TBC1D13: variants seen among roughly 807,000 people sequenced by gnomAD.
TBC1D13 encodes TBC1 domain family member 13, also known as epididymis secretory sperm binding protein.
A neutral mutation model predicts 53.6 loss-of-function variants in TBC1D13; 40 were observed. The observed-to-expected ratio is 0.75, with a 90% CI of 0.58 to 0.97. The LOEUF (loss-of-function observed/expected upper bound fraction) is 0.97, where lower values mean the gene tolerates loss of function less well. Among genes scored for constraint, TBC1D13 ranks in the 50% least tolerant of loss-of-function variants. The pLI, the probability that TBC1D13 is intolerant of heterozygous loss-of-function variation, is 0.00. For missense variants in TBC1D13, 377 were observed against 499.4 expected (o/e 0.75, Z 2.34); for synonymous variants, 182 against 197.7 (o/e 0.92, Z 0.67).
chr9:128,806,407 C>A, intron 11 of TBC1D13, 96 bp downstream of exon 11: 2 of 1,437,870 alleles, frequency 1.4e-6, no homozygotes, highest in Non-Finnish European at 1.9e-6. Flanking sequence ...TGGGCAGGGG[C>A]AGCGGAGTGT....
intron 2 of TBC1D13, among the ~76,000 whole-genome samples, chr9:128,788,638 T>C (rs1358773392): frequency 3.3e-5 from 5 of 152,194 alleles, no homozygotes; most frequent in Admixed American, 6.5e-5. Context: ...ACACTTAGCA[T>C]GCCCTAAGCT....
intron 6 of TBC1D13, among the ~76,000 whole-genome samples, chr9:128,793,214 G>A (rs1203519344): frequency 1.3e-5 from 2 of 152,264 alleles, no homozygotes; most frequent in Non-Finnish European, 2.9e-5. Flanking sequence ...ATAGGGGCTG[G>A]ACCTTGGACT....
chr9:128,806,548 G>T (rs968428863), intron 11 of TBC1D13, among the ~76,000 whole-genome samples: 1 of 152,222 alleles, frequency 6.6e-6, no homozygotes, highest in Non-Finnish European at 1.5e-5. Context: ...TGTACTCTAC[G>T]TAGGTGTTCA....
chr9:128,792,466 C>T (rs1347715105), intron 5 of TBC1D13, 26 bp from the exon 6 acceptor site: 1 of 1,611,914 alleles, frequency 6.2e-7, no homozygotes, highest in Non-Finnish European at 8.5e-7. Flanking sequence ...GGGCCTTGGA[C>T]AGAGCATCTT....
At position 128,805,977 on chromosome 9, in the gene TBC1D13, A is replaced by C; in HGVS notation, c.1037A>C (p.Asn346Thr). ...RIWDSLFADDNRFDFLLLVCC... is the reference protein window; with the variant it reads ...RIWDSLFADDTRFDFLLLVCC... Reference sequence around the variant, plus strand: ...TGGGACTCCCTCTTCGCCGATGACAACCGCTTTGACTTCCTCCTCCTCGTC... The same window carrying C: ...TGGGACTCCCTCTTCGCCGATGACACCCGCTTTGACTTCCTCCTCCTCGTC... Residue 346 changes from asparagine to threonine, a missense_variant, in exon 10 of 12, where the codon AAC (asparagine) becomes ACC (threonine). By Grantham distance (65) the Asn-to-Thr change is moderately conservative (BLOSUM62 0). Coordinates refer to ENST00000372648, the MANE Select transcript of TBC1D13 (RefSeq NM_018201.5). 6.2e-7 allele frequency: 1 copy of C among 1,614,150 alleles called. No individual in the cohort carries two copies. Among genetic ancestry groups the C allele is most frequent in the Non-Finnish European group, 8.5e-7 (1 of 1,180,028 alleles).
chr9:128,791,534 C>T (rs1829532567), intron 4 of TBC1D13, 60 bp from the exon 5 acceptor site: 1 of 1,610,450 alleles, frequency 6.2e-7, no homozygotes, highest in Non-Finnish European at 8.5e-7. Context: ...GGCTGCTGCT[C>T]TGCTCTGGGC....
rs1000882016 is a variant in TBC1D13 at position 128,802,951 on chromosome 9, T to A, written c.544-299T>A. Among the ~76,000 whole-genome samples, 7 of 152,086 alleles carry A rather than the reference T, an allele frequency of 4.6e-5. No homozygotes were observed. The East Asian group carries it at 1.3e-3, about 29-fold the overall frequency. On this transcript the variant is annotated intron_variant, in intron 7 of 11. Coordinates refer to ENST00000372648, the MANE Select transcript of TBC1D13 (RefSeq NM_018201.5). ...GATCTCCCTATGTTGCCCAGGCTGG[T>A]CTTGAACTCTTAGGCTCAAGTGATC...
At position 128,803,415 on chromosome 9, in the gene TBC1D13, C is replaced by A; in HGVS notation, c.709C>A (p.Pro237Thr). ...YVQGMNEIVGPLYYTFATDPN... is the reference protein window; with the variant it reads ...YVQGMNEIVGTLYYTFATDPN... Reference sequence around the variant, plus strand: ...GCAAGGCATGAATGAAATCGTGGGGCCCCTCTACTACACCTTTGCCACCGA... The same window carrying A: ...GCAAGGCATGAATGAAATCGTGGGGACCCTCTACTACACCTTTGCCACCGA... Residue 237 changes from proline (P) to threonine (T), a missense_variant, in exon 8 of 12, where the codon CCC becomes ACC. Transcript: ENST00000372648. 6.2e-7 allele frequency: 1 copy of A among 1,614,188 alleles called. No individual in the cohort carries two copies. Among genetic ancestry groups the A allele is most frequent in the Non-Finnish European group, 8.5e-7 (1 of 1,180,050 alleles).
intron 7 of TBC1D13, among the ~76,000 whole-genome samples, chr9:128,801,261 A>G (rs7858732): frequency 0.29 from 44,684 of 152,056 alleles, 7,279 homozygotes; most frequent in African/African-American, 0.44. Flanking sequence ...TACCCAACCC[A>G]TGAACAATTG....
intron 6 of TBC1D13, among the ~76,000 whole-genome samples, chr9:128,793,201 G>C (rs560683184): frequency 6.6e-6 from 1 of 152,388 alleles, no homozygotes; most frequent in South Asian, 2.1e-4. Context: ...GCCAGGGTGG[G>C]AGATAGGGGC....
intron 8 of TBC1D13, among the ~76,000 whole-genome samples, chr9:128,803,703 A>G (rs554034398): frequency 1.3e-5 from 2 of 152,338 alleles, no homozygotes. Flanking sequence ...GATTTAAATA[A>G]TGATTTTTAA....
chr9:128,799,848 C>A (rs187578361), intron 7 of TBC1D13, among the ~76,000 whole-genome samples: 2 of 151,982 alleles, frequency 1.3e-5, no homozygotes, highest in East Asian at 3.9e-4. Context: ...GGTGAAACCC[C>A]GTCTCTACTA....
At chr9:128,789,316 CAAAAAAAA>C (rs10648259) in intron 2 of TBC1D13, among the ~76,000 whole-genome samples, 1 of 83,398 alleles carries the variant, frequency 1.2e-5, no homozygotes, top group Admixed American at 1.6e-4. Flanking sequence ...AGCTCCATCT[CAAAAAAAA>C]AAAAAAAAAA....
At chr9:128,800,865 A>G (rs1829720351) in intron 7 of TBC1D13, among the ~76,000 whole-genome samples, 1 of 152,058 alleles carries the variant, frequency 6.6e-6, no homozygotes, top group Non-Finnish European at 1.5e-5. Context: ...ATCTCCTGAG[A>G]ATAAGGGCAT....
chr9:128,806,297 A>C lies in TBC1D13; in HGVS notation c.1123A>C (p.Met375Leu), dbSNP rs543364145. The C allele has an allele frequency of 6.2e-7, 1 of 1,614,004 alleles. No homozygotes were observed. Among genetic ancestry groups the C allele is most frequent in the African/African-American group, 1.3e-5 (1 of 74,942 alleles). ...QLLEGDFTVN[M>L]RLLQDYPITD... The stretch of plus-strand genomic sequence containing the variant: ...GCTGGAAGGGGACTTCACTGTGAAT[A>C]TGCGGCTGCTGCAGGTAATGGGAGT... Residue 375 changes from methionine (M) to leucine (L), a missense_variant, in exon 11 of 12, where the codon ATG (methionine) becomes CTG (leucine). Physicochemically the swap from Met to Leu is conservative, Grantham distance 15. Transcript: ENST00000372648.
rs1345487036 is a variant in TBC1D13 at position 128,806,316 on chromosome 9, T to C, written c.1137+5T>C. ...GTGAATATGCGGCTGCTGCAGGTAA[T>C]GGGAGTTGGGGGCAGGCTCAGCCAC... On this transcript the variant is annotated splice_donor_5th_base_variant and intron_variant, in intron 11 of 11. Transcript: ENST00000372648. 7 of 1,613,812 alleles carry C rather than the reference T, an allele frequency of 4.3e-6. No individual in the cohort carries two copies. Among genetic ancestry groups the C allele is most frequent in the African/African-American group, 4.0e-5 (3 of 74,878 alleles).
In TBC1D13 at chr9:128,791,683, T is replaced by C; in HGVS notation, c.290T>C (p.Phe97Ser). Reference protein sequence around the residue: ...NMGVSREDVTFEDHPLNPNPD... With the variant: ...NMGVSREDVTSEDHPLNPNPD... ...GGTGTGTCCAGGGAGGATGTGACTT[T>C]TGAGGACCATGTGAGTAGAGGTTGA... The change falls in exon 5 of 12, where the codon TTT becomes TCT. Residue 97 changes from phenylalanine (F) to serine (S), a missense_variant. Physicochemically the swap from Phe to Ser is radical, Grantham distance 155 (BLOSUM62 -2). Coordinates refer to ENST00000372648, the MANE Select transcript of TBC1D13 (RefSeq NM_018201.5). 1 of 1,614,120 alleles carries C rather than the reference T, an allele frequency of 6.2e-7. No individual in the cohort carries two copies. Among genetic ancestry groups the C allele is most frequent in the Non-Finnish European group, 8.5e-7 (1 of 1,179,974 alleles).
At chr9:128,802,588 A>G (rs1829756441) in intron 7 of TBC1D13, among the ~76,000 whole-genome samples, 1 of 152,138 alleles carries the variant, frequency 6.6e-6, no homozygotes. Context: ...AGAATGTCCC[A>G]TATTCTAGGT....
rs1170366996 is a variant in TBC1D13 at position 128,804,720 on chromosome 9, G to GTTTT, written c.918+623_918+626dup. Among the ~76,000 whole-genome samples the GTTTT allele has an allele frequency of 4.9e-3, 277 of 56,250 alleles. 6 individuals carry two copies. Among genetic ancestry groups the GTTTT allele is most frequent in the South Asian group, 7.7e-3 (10 of 1,292 alleles). 36.9% of individuals were successfully genotyped at this position (56,250 alleles called of 152,430 possible). ...CACCGTGCCCAGCCCTTTTTTTTCT[G>GTTTT]TTTTTTTTTTTTTTTTTTTTTTTTT... On this transcript the variant is annotated intron_variant, in intron 9 of 11. Transcript: ENST00000372648.
Sources: gnomAD v4.1 joint callset for allele counts (sites outside exome capture counted in the v4.1 genomes callset) on GRCh38, gnomAD v4.1.1 for gene constraint, MANE v1.5 for transcripts, NCBI Gene and HGNC (gene_info 2026-07-23, HGNC 2026-07-21) for gene names.